Variants in HORMAD2 observed in about 807,000 individuals in gnomAD.
The protein encoded by HORMAD2 is HORMA domain-containing protein 2.
In HORMAD2, 45 loss-of-function variants were observed where a neutral mutation model predicts 38.8. That is an observed-to-expected ratio of 1.16 (90% CI 0.91 to 1.49). The LOEUF (loss-of-function observed/expected upper bound fraction) is 1.49, where lower values mean the gene tolerates loss of function less well. Among genes scored for constraint, HORMAD2 ranks in the 40% most tolerant of loss-of-function variants. The probability of loss-of-function intolerance (pLI) is 0.00; values close to 1 mark genes in which losing one functional copy is unlikely to be tolerated. For missense variants in HORMAD2, 338 were observed against 367.0 expected (o/e 0.92, Z 0.65); for synonymous variants, 126 against 122.8 (o/e 1.03, Z -0.17).
At chr22:30,205,617 T>G in the HORMAD2 span, among the ~76,000 whole-genome samples, 1 of 152,092 alleles carries the variant, frequency 6.6e-6, no homozygotes, top group Non-Finnish European at 1.5e-5. Flanking sequence ...GCCGGGGTCA[T>G]TTGTGACCCA....
intron 1 of HORMAD2, among the ~76,000 whole-genome samples, chr22:30,088,813 A>C (rs2068631141): frequency 6.6e-6 from 1 of 152,024 alleles, no homozygotes; most frequent in Admixed American, 6.6e-5. Flanking sequence ...GTCTAAGACT[A>C]ATAACTACCC....
chr22:30,109,183 C>T (rs1460308882), intron 5 of HORMAD2, among the ~76,000 whole-genome samples: 1 of 151,866 alleles, frequency 6.6e-6, no homozygotes, highest in East Asian at 1.9e-4. Flanking sequence ...TGCCACTACA[C>T]CTGGCTAATT....
At chr22:30,117,783 G>T (rs1377852468) in intron 7 of HORMAD2, among the ~76,000 whole-genome samples, 1 of 152,114 alleles carries the variant, frequency 6.6e-6, no homozygotes, top group African/African-American at 2.4e-5. Context: ...CAAAATGCTG[G>T]GATTATGGGC....
intron 3 of HORMAD2, among the ~76,000 whole-genome samples, chr22:30,100,263 G>A (rs150101566): frequency 0.01 from 1,561 of 152,170 alleles, 23 homozygotes; most frequent in African/African-American, 0.036. Context: ...CAGAACAGAG[G>A]CCTCAGAAAT....
At chr22:30,107,859 G>T (rs1353194468) in intron 5 of HORMAD2, among the ~76,000 whole-genome samples, 1 of 150,210 alleles carries the variant, frequency 6.7e-6, no homozygotes, top group Non-Finnish European at 1.5e-5. Context: ...TTCTAGTTAT[G>T]AAATTTTGTG....
At chr22:30,200,692 A>G in the HORMAD2 span, among the ~76,000 whole-genome samples, 1 of 151,534 alleles carries the variant, frequency 6.6e-6, no homozygotes, top group Non-Finnish European at 1.5e-5. Context: ...CTGCTGTCAT[A>G]AAGTACCACA....
At chr22:30,205,649 G>A in the HORMAD2 span, among the ~76,000 whole-genome samples, 5 of 152,170 alleles carry the variant, frequency 3.3e-5, no homozygotes, top group Admixed American at 3.3e-4. Context: ...ATGAGGTACT[G>A]ACGAAAGTAC....
intron 1 of HORMAD2, among the ~76,000 whole-genome samples, chr22:30,080,818 C>T (rs1239978904): frequency 6.6e-6 from 1 of 152,048 alleles, no homozygotes; most frequent in Non-Finnish European, 1.5e-5. Context: ...ATGAGGCTGG[C>T]AGGGCAGACG....
At chr22:30,167,725 A>C (rs141472561) in intron 10 of HORMAD2, among the ~76,000 whole-genome samples, 2 of 152,186 alleles carry the variant, frequency 1.3e-5, no homozygotes, top group Non-Finnish European at 2.9e-5. Flanking sequence ...GGCTGTGCCC[A>C]AGGAAAGATC....
At chr22:30,137,182 T>C (rs1923724563) in intron 10 of HORMAD2, 1 of 572,778 alleles carries the variant, frequency 1.7e-6, no homozygotes, top group Non-Finnish European at 3.3e-6. Context: ...ATCAGGCATT[T>C]TTGCCCTGAA....
At chr22:30,080,124 TA>T (rs1211524766), upstream of HORMAD2, 1 of 152,270 alleles carries the variant, frequency 6.6e-6, no homozygotes, top group African/African-American at 2.4e-5. Context: ...CCTCGGGTCC[TA>T]ACCTCGGCGG....
chr22:30,171,016 C>G (rs530093288), intron 10 of HORMAD2, among the ~76,000 whole-genome samples: 1 of 152,244 alleles, frequency 6.6e-6, no homozygotes, highest in East Asian at 1.9e-4. Context: ...CTTAAAACCC[C>G]CTTCCCCTGA....
chr22:30,099,074 A>G (rs1920927608), intron 3 of HORMAD2, 81 bp downstream of exon 3: 1 of 1,268,516 alleles, frequency 7.9e-7, no homozygotes, highest in African/African-American at 1.5e-5. Context: ...ACGTCTCACA[A>G]AGTGTGCTAA....
chr22:30,102,160 C>T (rs546522066), intron 3 of HORMAD2, among the ~76,000 whole-genome samples: 1 of 152,272 alleles, frequency 6.6e-6, no homozygotes, highest in South Asian at 2.1e-4. Context: ...TCATGACAAC[C>T]TCATTTGTAT....
At chr22:30,099,904 AC>A (rs1446088541) in intron 3 of HORMAD2, among the ~76,000 whole-genome samples, 11 of 152,150 alleles carry the variant, frequency 7.2e-5, no homozygotes, top group Non-Finnish European at 1.2e-4. Context: ...ACAAACAAAA[AC>A]AAAAACAAAA....
At chr22:30,132,716 G>T (rs2146157463) in intron 10 of HORMAD2, among the ~76,000 whole-genome samples, 2 of 152,234 alleles carry the variant, frequency 1.3e-5, no homozygotes, top group South Asian at 4.1e-4. Context: ...GTGCAAAGAG[G>T]AATGAAAGTT....
intron 3 of HORMAD2, among the ~76,000 whole-genome samples, chr22:30,100,751 C>T (rs1050911405): frequency 6.6e-6 from 1 of 152,052 alleles, no homozygotes; most frequent in Non-Finnish European, 1.5e-5. Context: ...AATAAAACAA[C>T]CCCATCAAAA....
At chr22:30,079,147 T>C (rs188177097), upstream of HORMAD2, among the ~76,000 whole-genome samples, 11 of 151,996 alleles carry the variant, frequency 7.2e-5, no homozygotes, top group Admixed American at 6.6e-4. Flanking sequence ...AGAAACAAAA[T>C]AAGAACAGGT....
At chr22:30,139,478 C>G (rs1709510599) in intron 10 of HORMAD2, among the ~76,000 whole-genome samples, 1 of 151,428 alleles carries the variant, frequency 6.6e-6, no homozygotes, top group South Asian at 2.1e-4. Flanking sequence ...TGATTACTTT[C>G]TATATCCTAA....
Sources: gnomAD v4.1 joint callset for allele counts (sites outside exome capture counted in the v4.1 genomes callset) on GRCh38, gnomAD v4.1.1 for gene constraint, MANE v1.5 for transcripts, NCBI Gene and HGNC (gene_info 2026-07-23, HGNC 2026-07-21) for gene names.